CELF2: variants seen among roughly 807,000 people sequenced by gnomAD.
CELF2 encodes CUG triplet repeat RNA-binding protein 2.
In CELF2, 8 loss-of-function variants were observed where a neutral mutation model predicts 62.6. That is an observed-to-expected ratio of 0.13 (90% CI 0.07 to 0.23). The LOEUF is 0.23. Among genes scored for constraint, CELF2 ranks in the 10% least tolerant of loss-of-function variants. The pLI is 1.00. For missense variants in CELF2, 333 were observed against 671.0 expected, an observed-to-expected ratio of 0.50 and a Z score of 5.56; for synonymous variants, 258 against 250.0, an observed-to-expected ratio of 1.03 and a Z score of -0.30.
the CELF2 span, among the ~76,000 whole-genome samples, chr10:10,573,655 C>G: frequency 2.6e-5 from 4 of 152,180 alleles, no homozygotes; most frequent in South Asian, 8.3e-4. Context: ...AATATGCAAA[C>G]ATCTTACATC....
chr10:10,662,295 G>T, the CELF2 span, among the ~76,000 whole-genome samples: 11 of 152,176 alleles, frequency 7.2e-5, no homozygotes, highest in Admixed American at 5.2e-4. Context: ...CCACCCTTCA[G>T]GGCTCAGATC....
chr10:11,249,308 AC>A, intron 4 of CELF2, 107 bp downstream of exon 4: 2 of 863,978 alleles, frequency 2.3e-6, no homozygotes, highest in Non-Finnish European at 3.9e-6. Context: ...TCTCTAGAGG[AC>A]AGAGAGCGCT....
chr10:10,755,284 T>C, the CELF2 span, among the ~76,000 whole-genome samples: 1 of 152,202 alleles, frequency 6.6e-6, no homozygotes. Context: ...CTCTCTCATA[T>C]TCATATTTAT....
chr10:10,535,266 C>T, the CELF2 span, among the ~76,000 whole-genome samples: 1 of 152,136 alleles, frequency 6.6e-6, no homozygotes, highest in Non-Finnish European at 1.5e-5. Context: ...AGGATGAACA[C>T]CTACAGCTGT....
At chr10:10,555,037 T>A in the CELF2 span, among the ~76,000 whole-genome samples, 16 of 152,000 alleles carry the variant, frequency 1.1e-4, no homozygotes, top group Non-Finnish European at 2.2e-4. Flanking sequence ...AAAGAGAAAG[T>A]CAAGTCACGA....
intron 2 of CELF2, among the ~76,000 whole-genome samples, chr10:10,973,859 T>G (rs2051036220): frequency 6.6e-6 from 1 of 152,200 alleles, no homozygotes; most frequent in Admixed American, 6.5e-5. Context: ...TTAGCCACCC[T>G]GCCTTGCCAA....
At chr10:11,286,444 T>C (rs1038455375) in intron 8 of CELF2, among the ~76,000 whole-genome samples, 5 of 152,238 alleles carry the variant, frequency 3.3e-5, no homozygotes, top group Non-Finnish European at 7.3e-5. Flanking sequence ...CCAGAGGGCA[T>C]GGACAGACCT....
chr10:10,663,135 G>A, the CELF2 span, among the ~76,000 whole-genome samples: 1 of 152,194 alleles, frequency 6.6e-6, no homozygotes, highest in Non-Finnish European at 1.5e-5. Context: ...GGGGCTAAGA[G>A]GTGAACGTGA....
At chr10:11,219,879 T>C (rs1351813259) in intron 3 of CELF2, among the ~76,000 whole-genome samples, 1 of 152,214 alleles carries the variant, frequency 6.6e-6, no homozygotes, top group Non-Finnish European at 1.5e-5. Context: ...TATACACCTG[T>C]TTTCCCACTG....
chr10:11,095,914 A>T (rs376572124), intron 1 of CELF2, among the ~76,000 whole-genome samples: 301 of 142,618 alleles, frequency 2.1e-3, no homozygotes, highest in African/African-American at 7.6e-3. Context: ...AACTATATTT[A>T]AAAAAAAAAT....
Position 11,246,009 on chromosome 10 carries a change from A to G in CELF2, c.355-3144A>G, listed in dbSNP as rs181181355. Among the ~76,000 whole-genome samples, 2 of 152,290 alleles carry G rather than the reference A, an allele frequency of 1.3e-5. No homozygotes were observed. The highest frequency in any genetic ancestry group is 1.3e-4 in the Admixed American group (2 of 15,304). On this transcript the variant is annotated intron_variant, in intron 3 of 12. Transcript: ENST00000633077. This position sits in a 1 kb window ranked among gnomAD's most constrained non-coding sequence, Gnocchi z 4.6. ...GTCACTTATTCCCTTCATACCTGTC[A>G]GCCGAGAGCACTGACTGCGTGATTT...
Position 11,075,717 on chromosome 10 carries a change from G to T in CELF2, c.74+57554G>T, listed in dbSNP as rs1023897055. The stretch of plus-strand genomic sequence containing the variant: ...AGGTGACATTGAGAATGAAATGGGG[G>T]TGAGCAGCCATCAGCGTTCTTAGGA... On this transcript the variant is annotated intron_variant, in intron 1 of 12. Coordinates refer to ENST00000633077, the MANE Select transcript of CELF2 (RefSeq NM_001326342.2). The surrounding 1 kb of genome is among the most constrained non-coding windows in gnomAD (Gnocchi z 5.4). Among the ~76,000 whole-genome samples the T allele has an allele frequency of 6.6e-6, 1 of 152,076 alleles. No individual in the cohort carries two copies. Among genetic ancestry groups the T allele is most frequent in the African/African-American group, 2.4e-5 (1 of 41,384 alleles).
chr10:11,205,910 T>G (rs1372739356), intron 2 of CELF2, among the ~76,000 whole-genome samples: 4 of 152,188 alleles, frequency 2.6e-5, no homozygotes, highest in Non-Finnish European at 5.9e-5. Flanking sequence ...AGTACAAATG[T>G]TTACTTCAGC....
chr10:10,730,997 G>C, the CELF2 span, among the ~76,000 whole-genome samples: 5 of 152,180 alleles, frequency 3.3e-5, no homozygotes, highest in African/African-American at 1.2e-4. Context: ...TATAGGAGAA[G>C]ATAGAGTGGC....
the CELF2 span, among the ~76,000 whole-genome samples, chr10:10,496,502 C>A: frequency 6.6e-6 from 1 of 152,252 alleles, no homozygotes; most frequent in East Asian, 1.9e-4. Context: ...AGTATGGAAC[C>A]TGGCATACAA....
chr10:10,955,466 T>C (rs2048788691), intron 2 of CELF2, among the ~76,000 whole-genome samples: 1 of 152,230 alleles, frequency 6.6e-6, no homozygotes, highest in South Asian at 2.1e-4. Context: ...TCAGAGCTCC[T>C]TGAGTGAGCC....
At position 10,913,666 on chromosome 10, in the gene CELF2, C is replaced by T. The variant is rs1050772831; in HGVS notation, c.54-6298C>T. Among the ~76,000 whole-genome samples, 3 of 151,434 alleles carry T rather than the reference C, an allele frequency of 2.0e-5. No individual in the cohort carries two copies. In the East Asian group the frequency reaches 5.8e-4, roughly 29 times the overall value. ...TCAGGCTACCAAAGTGTTGTGATTA[C>T]AGGTGTGAGCCGCTGCACCCAGCCT... On this transcript the variant is annotated intron_variant, in intron 1 of 13. Coordinates refer to the CELF2 transcript ENST00000636488.
chr10:10,849,928 G>C (rs1455346365), intron 1 of CELF2, among the ~76,000 whole-genome samples: 2 of 151,924 alleles, frequency 1.3e-5, no homozygotes, highest in African/African-American at 4.8e-5. Flanking sequence ...AGATCACAAG[G>C]TCAGGAGTTT....
In CELF2 at chr10:10,978,817, A is replaced by G. The variant is rs76599658; in HGVS notation, c.89+58818A>G. Among the ~76,000 whole-genome samples the G allele has an allele frequency of 2.0e-3, 311 of 152,364 alleles. 3 individuals carry two copies. The highest frequency in any genetic ancestry group is 7.2e-3 in the African/African-American group (299 of 41,586). On this transcript the variant is annotated intron_variant, in intron 2 of 13. Coordinates refer to the CELF2 transcript ENST00000636488. ...TTTGAAAACCCAGTGTCAAAACAAT[A>G]TCAGTATTACTGATGAATACTAGGA...
Sources: allele counts gnomAD v4.1 joint callset (sites outside exome capture counted in the v4.1 genomes callset), GRCh38; gene constraint gnomAD v4.1.1; non-coding constraint Gnocchi (gnomAD v3.1); transcripts MANE v1.5; gene names NCBI Gene and HGNC (gene_info 2026-07-23, HGNC 2026-07-21).